The following PTCHD4 variants were observed in gnomAD, a reference collection of about 807,000 sequenced individuals.
PTCHD4 encodes patched domain-containing protein 4.
A neutral mutation model predicts 58.1 loss-of-function variants in PTCHD4; 33 were observed. The ratio of observed to expected loss-of-function variants is 0.57; its 90% confidence interval spans 0.43 to 0.76. The LOEUF (loss-of-function observed/expected upper bound fraction) is 0.76. Among genes scored for constraint, PTCHD4 ranks in the 30% least tolerant of loss-of-function variants. The pLI is 0.00. For missense variants in PTCHD4, 1,058 were observed against 1,027.1 expected (o/e 1.03, Z -0.41); for synonymous variants, 478 against 409.6 (o/e 1.17, Z -2.02).
chr6:48,093,628 T>G (rs984397686), intron 1 of PTCHD4, among the ~76,000 whole-genome samples: 1 of 152,146 alleles, frequency 6.6e-6, no homozygotes, highest in Admixed American at 6.5e-5. Context: ...GGAAAAGAAT[T>G]TTTATTAAAT....
intron 4 of PTCHD4, among the ~76,000 whole-genome samples, chr6:47,937,846 G>T (rs1038611639): frequency 6.6e-6 from 1 of 152,102 alleles, no homozygotes; most frequent in Admixed American, 6.5e-5. Flanking sequence ...AAGGAGACTT[G>T]ATAGGCAAGT....
At chr6:48,026,145 C>G (rs1031892293) in intron 3 of PTCHD4, among the ~76,000 whole-genome samples, 10 of 152,092 alleles carry the variant, frequency 6.6e-5, no homozygotes, top group Non-Finnish European at 1.5e-4. Flanking sequence ...TTTCTGGTAG[C>G]AAGCTTCTTT....
intron 4 of PTCHD4, among the ~76,000 whole-genome samples, chr6:47,907,100 T>A (rs1764912900): frequency 6.6e-6 from 1 of 152,120 alleles, no homozygotes; most frequent in East Asian, 1.9e-4. Flanking sequence ...TTTTCAAATC[T>A]TGGATGGAGC....
intron 4 of PTCHD4, among the ~76,000 whole-genome samples, chr6:47,956,614 T>C (rs1766871773): frequency 6.6e-6 from 1 of 152,010 alleles, no homozygotes. Context: ...TTTGTATTTT[T>C]AGTAGAGACG....
chr6:47,954,355 TCAAA>T (rs1419330491), intron 4 of PTCHD4, among the ~76,000 whole-genome samples: 5 of 152,314 alleles, frequency 3.3e-5, no homozygotes, highest in African/African-American at 4.8e-5. Flanking sequence ...AGACTCTGTC[TCAAA>T]CAAACAAACA....
chr6:48,007,968 C>T (rs987897261), intron 4 of PTCHD4, among the ~76,000 whole-genome samples: 17 of 148,498 alleles, frequency 1.1e-4, no homozygotes, highest in African/African-American at 4.3e-4. Flanking sequence ...ACACACGCAC[C>T]ACCTACATAG....
Position 47,878,497 on chromosome 6 carries a change from T to A in PTCHD4, c.2338A>T (p.Thr780Ser). 1 of 1,613,426 alleles carries A rather than the reference T, an allele frequency of 6.2e-7. No individual in the cohort carries two copies. The highest frequency in any genetic ancestry group is 8.5e-7 in the Non-Finnish European group (1 of 1,179,686). Residue 780 changes from threonine to serine, a missense_variant, in exon 5 of 5, where the codon ACA becomes TCA. By Grantham distance (58) the Thr-to-Ser change is moderately conservative. Transcript: ENST00000339488. ...LLFVPSNLTF[T>S]LFKCLLLTGG... ...GTGAGCAGCAAGCATTTGAACAGTG[T>A]GAAGGTCAGGTTCGAAGGCACAAAT...
At chr6:48,097,159 G>T (rs1472334888) in intron 1 of PTCHD4, among the ~76,000 whole-genome samples, 1 of 151,774 alleles carries the variant, frequency 6.6e-6, no homozygotes, top group African/African-American at 2.4e-5. Flanking sequence ...GAGAATAAAA[G>T]CTTATAAAAT....
At chr6:48,046,523 A>T (rs1764043436) in intron 3 of PTCHD4, among the ~76,000 whole-genome samples, 1 of 151,872 alleles carries the variant, frequency 6.6e-6, no homozygotes, top group African/African-American at 2.4e-5. Context: ...GTTAGTTATA[A>T]ACAACTGTTT....
chr6:47,958,819 TG>T (rs899949088), intron 4 of PTCHD4, among the ~76,000 whole-genome samples: 1 of 152,206 alleles, frequency 6.6e-6, no homozygotes, highest in Non-Finnish European at 1.5e-5. Context: ...TCAGCCAGAC[TG>T]GAAAAACATC....
chr6:47,914,567 C>T (rs1273315536), intron 4 of PTCHD4, among the ~76,000 whole-genome samples: 1 of 151,818 alleles, frequency 6.6e-6, no homozygotes, highest in African/African-American at 2.4e-5. Context: ...TGGGAGCTCT[C>T]AGTCTCCAGG....
intron 3 of PTCHD4, among the ~76,000 whole-genome samples, chr6:48,029,575 T>C (rs1763365429): frequency 1.3e-5 from 2 of 152,124 alleles, no homozygotes; most frequent in African/African-American, 4.8e-5. Flanking sequence ...TTCTTTTAAG[T>C]TTCTATAATT....
rs1763347916 is a variant in PTCHD4 at position 47,858,446 on chromosome 6, T to C, written c.*19857A>G. 1.3e-5 allele frequency among the ~76,000 whole-genome samples: 2 copies of C among 152,130 alleles called. No individual in the cohort carries two copies. The highest frequency in any genetic ancestry group is 2.1e-4 in the South Asian group (1 of 4,824). On this transcript the variant is annotated 3_prime_UTR_variant, in exon 5 of 5. Coordinates refer to ENST00000339488, the MANE Select transcript of PTCHD4 (RefSeq NM_001384253.1). Reference sequence around the variant, plus strand: ...AATGAGGCAGAAATGTAAACATTAATGGAAATAAAAGTTATCACATCTCCC... The same window carrying C: ...AATGAGGCAGAAATGTAAACATTAACGGAAATAAAAGTTATCACATCTCCC...
At chr6:47,911,854 G>C (rs1206678692) in intron 4 of PTCHD4, among the ~76,000 whole-genome samples, 2 of 152,160 alleles carry the variant, frequency 1.3e-5, no homozygotes, top group South Asian at 2.1e-4. Flanking sequence ...GAGATCTAGG[G>C]AATAAATGCT....
chr6:47,919,852 C>T (rs1765376583), intron 4 of PTCHD4, among the ~76,000 whole-genome samples: 1 of 152,060 alleles, frequency 6.6e-6, no homozygotes, highest in Non-Finnish European at 1.5e-5. Flanking sequence ...GACAGAAAGG[C>T]TATGTTGTTG....
chr6:47,879,964 A>T, intron 4 of PTCHD4, 28 bp from the exon 5 acceptor site: 1 of 1,410,408 alleles, frequency 7.1e-7, no homozygotes, highest in Non-Finnish European at 9.4e-7. Context: ...GAAAATAATA[A>T]TTATTTTTAT....
intron 3 of PTCHD4, among the ~76,000 whole-genome samples, chr6:48,028,270 A>T (rs1184615098): frequency 6.6e-6 from 1 of 150,740 alleles, no homozygotes; most frequent in Non-Finnish European, 1.5e-5. Flanking sequence ...GTTTTTTTTG[A>T]TGAGAAAATA....
At chr6:47,926,941 T>C (rs1035083696) in intron 4 of PTCHD4, among the ~76,000 whole-genome samples, 2 of 152,226 alleles carry the variant, frequency 1.3e-5, no homozygotes, top group African/African-American at 4.8e-5. Flanking sequence ...ACTTGCACCA[T>C]TTGAAGTTCA....
chr6:47,857,080 A>G lies in PTCHD4; in HGVS notation c.*21223T>C, dbSNP rs547508155. 2.0e-5 allele frequency among the ~76,000 whole-genome samples: 3 copies of G among 152,204 alleles called. No homozygotes were observed. The highest frequency in any genetic ancestry group is 2.9e-5 in the Non-Finnish European group (2 of 67,984). On this transcript the variant is annotated 3_prime_UTR_variant, in exon 5 of 5. Transcript: ENST00000339488. ...ATAATCTTTTAGAGAAAATTTAGAC[A>G]CAAGAAATCATATTATATAGTATTG...
Sources: gnomAD v4.1 joint callset for allele counts (sites outside exome capture counted in the v4.1 genomes callset) on GRCh38, gnomAD v4.1.1 for gene constraint, MANE v1.5 for transcripts, NCBI Gene and HGNC (gene_info 2026-07-23, HGNC 2026-07-21) for gene names.